Variants in FRAS1 observed in about 807,000 individuals in gnomAD.
FRAS1 encodes extracellular matrix organizing protein FRAS1.
A neutral mutation model predicts 435.2 loss-of-function variants in FRAS1; 290 were observed. That is an observed-to-expected ratio of 0.67 (90% confidence interval 0.61 to 0.73). The LOEUF (loss-of-function observed/expected upper bound fraction) is 0.73. Among genes scored for constraint, FRAS1 ranks in the 30% least tolerant of loss-of-function variants. FRAS1 has a pLI of 0.00. For synonymous variants in FRAS1, 1,800 were observed against 1,851.0 expected (o/e 0.97, Z 0.71); for missense variants, 4,860 against 5,001.5 (o/e 0.97, Z 0.85).
chr4:78,382,282 T>C (rs1436179585), intron 27 of FRAS1, among the ~76,000 whole-genome samples: 1 of 152,000 alleles, frequency 6.6e-6, no homozygotes, highest in African/African-American at 2.4e-5. Context: ...TAAGGCATTA[T>C]TTAATAAAAT....
intron 2 of FRAS1, among the ~76,000 whole-genome samples, chr4:78,156,858 A>C (rs1301249235): frequency 1.3e-5 from 2 of 152,260 alleles, no homozygotes; most frequent in East Asian, 3.9e-4. Flanking sequence ...GGGGGATGGA[A>C]GACCCCTGTT....
At chr4:78,399,883 G>C (rs562495941) in intron 29 of FRAS1, among the ~76,000 whole-genome samples, 58 of 152,254 alleles carry the variant, frequency 3.8e-4, no homozygotes, top group African/African-American at 1.3e-3. Flanking sequence ...CTAAAACCTA[G>C]ATCTGATCAT....
At chr4:78,279,731 ATG>A (rs1445999138) in intron 10 of FRAS1, among the ~76,000 whole-genome samples, 1 of 152,066 alleles carries the variant, frequency 6.6e-6, no homozygotes, top group East Asian at 1.9e-4. Flanking sequence ...CATATTTTTC[ATG>A]TTGGGTATTG....
At chr4:78,068,780 CA>C in intron 2 of FRAS1, 1 of 349,984 alleles carries the variant, frequency 2.9e-6, no homozygotes, top group Non-Finnish European at 5.6e-6. Context: ...AGAGATTCTG[CA>C]TTCGGGTTTA....
intron 1 of FRAS1, among the ~76,000 whole-genome samples, chr4:78,059,541 A>G (rs1739652153): frequency 6.6e-6 from 1 of 151,052 alleles, no homozygotes; most frequent in Non-Finnish European, 1.5e-5. Flanking sequence ...GGGCTTGATT[A>G]TAACAATAAA....
At chr4:78,116,888 T>G (rs568500700) in intron 2 of FRAS1, among the ~76,000 whole-genome samples, 35 of 152,332 alleles carry the variant, frequency 2.3e-4, no homozygotes, top group Non-Finnish European at 4.3e-4. Context: ...GTTAGCTGGT[T>G]ATTTTGCTCA....
Position 78,399,961 on chromosome 4 carries a change from A to G in FRAS1, c.3976-773A>G, listed in dbSNP as rs1309923830. ...TATGAGATGAATTGAGACTTTTAGC[A>G]TAGCTTCTATCTTCTACTAACCTTC... On this transcript the variant is annotated intron_variant, in intron 29 of 73. Transcript: ENST00000512123. 3.3e-5 allele frequency among the ~76,000 whole-genome samples: 5 copies of G among 152,186 alleles called. No homozygotes were observed. The East Asian group carries it at 7.7e-4, about 23-fold the overall frequency.
intron 15 of FRAS1, among the ~76,000 whole-genome samples, chr4:78,311,560 A>G (rs1207938860): frequency 6.6e-6 from 1 of 152,194 alleles, no homozygotes; most frequent in Non-Finnish European, 1.5e-5. Context: ...GTAAAGCTCT[A>G]GAGGGAGTTT....
intron 2 of FRAS1, among the ~76,000 whole-genome samples, chr4:78,159,122 G>A (rs1011772950): frequency 1.3e-5 from 2 of 152,182 alleles, no homozygotes; most frequent in African/African-American, 4.8e-5. Flanking sequence ...ATGTGGTTGT[G>A]CACAGACTCT....
In FRAS1 at chr4:78,130,644, C is replaced by T. The variant is rs554843313; in HGVS notation, c.108+64628C>T. On this transcript the variant is annotated intron_variant, in intron 2 of 73. Coordinates refer to ENST00000512123, the MANE Select transcript of FRAS1 (RefSeq NM_025074.7). Reference sequence around the variant, plus strand: ...TGCATAGTCAGTTATTGAATGTCTACCCCAATCCAGGCACTAAGGATTTGG... The same window carrying T: ...TGCATAGTCAGTTATTGAATGTCTATCCCAATCCAGGCACTAAGGATTTGG... 2.6e-5 allele frequency among the ~76,000 whole-genome samples: 4 copies of T among 152,276 alleles called. No individual in the cohort carries two copies. The South Asian group carries it at 6.2e-4, about 24-fold the overall frequency.
At chr4:78,112,675 C>T (rs1434741633) in intron 2 of FRAS1, among the ~76,000 whole-genome samples, 4 of 151,870 alleles carry the variant, frequency 2.6e-5, no homozygotes, top group Non-Finnish European at 4.4e-5. Context: ...TATGAAATGG[C>T]CAAACCAAAA....
chr4:78,228,278 C>G (rs1337897319), intron 2 of FRAS1, among the ~76,000 whole-genome samples: 1 of 152,082 alleles, frequency 6.6e-6, no homozygotes, highest in African/African-American at 2.4e-5. Flanking sequence ...TAAAGTCTCC[C>G]TAATATCTGG....
chr4:78,222,233 G>A (rs1724088845), intron 2 of FRAS1, among the ~76,000 whole-genome samples: 1 of 152,180 alleles, frequency 6.6e-6, no homozygotes, highest in South Asian at 2.1e-4. Context: ...GGATTCACTA[G>A]GATTCTGGCA....
intron 4 of FRAS1, among the ~76,000 whole-genome samples, chr4:78,245,534 T>C (rs1302397421): frequency 6.6e-6 from 1 of 152,142 alleles, no homozygotes; most frequent in African/African-American, 2.4e-5. Context: ...TAGATTGAAT[T>C]TGTGTCTGAG....
intron 2 of FRAS1, among the ~76,000 whole-genome samples, chr4:78,163,555 T>C (rs1380162668): frequency 1.3e-5 from 2 of 152,190 alleles, no homozygotes; most frequent in Non-Finnish European, 2.9e-5. Context: ...CAAAAGTTGT[T>C]TGGGACTCGG....
chr4:78,387,347 C>G, intron 28 of FRAS1, 28 bp from the exon 29 acceptor site: 6 of 1,535,010 alleles, frequency 3.9e-6, no homozygotes, highest in Non-Finnish European at 5.3e-6. Context: ...TCCCTCTTAA[C>G]TGACTCTTCT....
chr4:78,291,062 G>A (rs780438265), intron 14 of FRAS1, among the ~76,000 whole-genome samples: 2 of 152,104 alleles, frequency 1.3e-5, no homozygotes, highest in Non-Finnish European at 2.9e-5. Flanking sequence ...CACTGCGCCC[G>A]GCCTAAACCA....
rs1311193795 is a variant in FRAS1, at chr4:78,423,842, G to C, written c.4679-546G>C. On this transcript the variant is annotated intron_variant, in intron 34 of 73. Coordinates refer to ENST00000512123, the MANE Select transcript of FRAS1 (RefSeq NM_025074.7). Reference sequence around the variant, plus strand: ...TCATAAGAAACACAGGATATCCTGGGATTAGAGGGAAAGAAAACATGTCAG... The same window carrying C: ...TCATAAGAAACACAGGATATCCTGGCATTAGAGGGAAAGAAAACATGTCAG... Among the ~76,000 whole-genome samples, 3 of 152,104 alleles carry C rather than the reference G, an allele frequency of 2.0e-5. No individual in the cohort carries two copies. In the East Asian group the frequency reaches 5.8e-4, roughly 29 times the overall value.
intron 2 of FRAS1, among the ~76,000 whole-genome samples, chr4:78,228,184 C>T (rs1724354144): frequency 6.6e-6 from 1 of 151,708 alleles, no homozygotes; most frequent in Non-Finnish European, 1.5e-5. Flanking sequence ...TACTTTTTTC[C>T]CCCATTTCCC....
Sources: gnomAD v4.1 joint callset for allele counts (sites outside exome capture counted in the v4.1 genomes callset) on GRCh38, gnomAD v4.1.1 for gene constraint, MANE v1.5 for transcripts, NCBI Gene and HGNC (gene_info 2026-07-23, HGNC 2026-07-21) for gene names.